NAV1: variants seen among roughly 807,000 people sequenced by gnomAD.
NAV1 encodes neuron navigator 1.
Under a neutral mutation model 175.2 loss-of-function variants are expected in NAV1, and 18 were observed. The ratio of observed to expected loss-of-function variants is 0.10; its 90% CI spans 0.07 to 0.15. NAV1 has a LOEUF of 0.15. Among genes scored for constraint, NAV1 ranks in the 10% least tolerant of loss-of-function variants. NAV1 has a pLI of 1.00. For synonymous variants in NAV1, 897 were observed against 978.7 expected (o/e 0.92, Z 1.56); for missense variants, 1,731 against 2,436.6 (o/e 0.71, Z 6.10).
At chr1:201,584,110 T>C (rs965545184) in intron 1 of NAV1, among the ~76,000 whole-genome samples, 1 of 152,252 alleles carries the variant, frequency 6.6e-6, no homozygotes, top group Non-Finnish European at 1.5e-5. Flanking sequence ...ATGTGCCAGA[T>C]CTTTCACATG....
intron 1 of NAV1, among the ~76,000 whole-genome samples, chr1:201,707,030 G>A (rs1671699227): frequency 6.6e-6 from 1 of 152,174 alleles, no homozygotes; most frequent in Non-Finnish European, 1.5e-5. Flanking sequence ...AGCTAAGATT[G>A]GCCCCAAGAG....
intron 1 of NAV1, among the ~76,000 whole-genome samples, chr1:201,703,767 G>T (rs1558081881): frequency 6.6e-6 from 1 of 152,176 alleles, no homozygotes; most frequent in Non-Finnish European, 1.5e-5. Flanking sequence ...CATCCGCGTG[G>T]GGCTGCCCTG....
At chr1:201,697,969 A>G (rs1166424475) in intron 1 of NAV1, among the ~76,000 whole-genome samples, 2 of 152,184 alleles carry the variant, frequency 1.3e-5, no homozygotes, top group African/African-American at 2.4e-5. Flanking sequence ...AGGCCCAGAC[A>G]TTGAATACCT....
At chr1:201,541,012 C>T (rs756620576) in intron 1 of NAV1, among the ~76,000 whole-genome samples, 14 of 152,192 alleles carry the variant, frequency 9.2e-5, no homozygotes, top group Admixed American at 6.5e-5. Context: ...ACACCATTTC[C>T]GGGTGAAAGA....
At chr1:201,593,578 G>A (rs769065146) in intron 2 of NAV1, among the ~76,000 whole-genome samples, 3 of 152,144 alleles carry the variant, frequency 2.0e-5, no homozygotes, top group Non-Finnish European at 4.4e-5. Context: ...CTCTTTTGGC[G>A]CATTCTCTTC....
Position 201,569,771 on chromosome 1 carries a change from G to A in NAV1, c.-143-18768G>A, listed in dbSNP as rs990045233. ...CATGAGGAAGCCCCTCGCAGTATCCGCTGGTCCAGTTCTCTCCCTTTGCTC... is the reference window on the plus strand; with the variant it reads ...CATGAGGAAGCCCCTCGCAGTATCCACTGGTCCAGTTCTCTCCCTTTGCTC... On this transcript the variant is annotated intron_variant, in intron 1 of 33. Coordinates refer to the NAV1 transcript ENST00000685211. Among the ~76,000 whole-genome samples the A allele has an allele frequency of 5.3e-5, 8 of 152,160 alleles. No homozygotes were observed. The East Asian group carries it at 9.6e-4, about 18-fold the overall frequency.
intron 3 of NAV1, among the ~76,000 whole-genome samples, chr1:201,752,213 T>TA (rs77963074): frequency 0.13 from 20,507 of 152,142 alleles, 1,852 homozygotes; most frequent in East Asian, 0.38. Context: ...AAGAGGTCTA[T>TA]AAAAATTACA....
chr1:201,640,485 T>C (rs1668720614), intron 2 of NAV1, among the ~76,000 whole-genome samples: 1 of 152,202 alleles, frequency 6.6e-6, no homozygotes, highest in Non-Finnish European at 1.5e-5. Flanking sequence ...GCTGTGAGGA[T>C]ACCTTGCCCA....
intron 1 of NAV1, among the ~76,000 whole-genome samples, chr1:201,684,961 CA>C (rs35153455): frequency 0.58 from 68,659 of 118,988 alleles, 18,644 homozygotes; most frequent in South Asian, 0.78. Flanking sequence ...GACTCTGTCT[CA>C]AAAAAAAAAA....
chr1:201,553,568 C>G (rs562560709), intron 1 of NAV1, among the ~76,000 whole-genome samples: 1 of 152,186 alleles, frequency 6.6e-6, no homozygotes, highest in Non-Finnish European at 1.5e-5. Context: ...ACACACAGAT[C>G]GATGTGTTTT....
At chr1:201,597,394 C>T (rs914740210) in intron 2 of NAV1, among the ~76,000 whole-genome samples, 1 of 152,234 alleles carries the variant, frequency 6.6e-6, no homozygotes, top group African/African-American at 2.4e-5. Flanking sequence ...CTCCTTCTTC[C>T]CCTCCGGCCT....
chr1:201,600,123 C>T (rs1205234644), intron 2 of NAV1, among the ~76,000 whole-genome samples: 2 of 152,200 alleles, frequency 1.3e-5, no homozygotes, highest in Non-Finnish European at 2.9e-5. Flanking sequence ...CCAGTCATCC[C>T]TGAAAGCCTT....
chr1:201,611,820 G>A (rs2102255250), intron 2 of NAV1, among the ~76,000 whole-genome samples: 1 of 152,280 alleles, frequency 6.6e-6, no homozygotes, highest in Non-Finnish European at 1.5e-5. Context: ...CTCACCCTGG[G>A]CTGGGTGGGA....
At chr1:201,668,718 G>T (rs1462542757) in intron 1 of NAV1, among the ~76,000 whole-genome samples, 1 of 152,148 alleles carries the variant, frequency 6.6e-6, no homozygotes, top group African/African-American at 2.4e-5. Flanking sequence ...AATTGACACT[G>T]GTTCCTAGTC....
At chr1:201,806,425 C>T (rs1030368198) in intron 17 of NAV1, among the ~76,000 whole-genome samples, 1 of 152,144 alleles carries the variant, frequency 6.6e-6, no homozygotes, top group African/African-American at 2.4e-5. Context: ...CCAAACATCT[C>T]GGAACAGTTC....
At chr1:201,766,932 C>T (rs2102654278) in intron 3 of NAV1, among the ~76,000 whole-genome samples, 1 of 152,092 alleles carries the variant, frequency 6.6e-6, no homozygotes, top group Admixed American at 6.5e-5. Flanking sequence ...AGCAATTCTC[C>T]TGCCTCAGCC....
At chr1:201,657,368 A>G (rs1021457308) in intron 1 of NAV1, among the ~76,000 whole-genome samples, 4 of 152,180 alleles carry the variant, frequency 2.6e-5, no homozygotes, top group African/African-American at 7.2e-5. Context: ...TCTACCCATG[A>G]GTCTGAATTT....
At chr1:201,601,410 G>C (rs957222533) in intron 2 of NAV1, among the ~76,000 whole-genome samples, 1 of 152,198 alleles carries the variant, frequency 6.6e-6, no homozygotes, top group Non-Finnish European at 1.5e-5. Context: ...TTGAGCCTGG[G>C]AGGTTGAGGC....
intron 3 of NAV1, chr1:201,739,528 T>A (rs952705388): frequency 6.5e-6 from 1 of 153,680 alleles, no homozygotes; most frequent in East Asian, 1.9e-4. Context: ...CCCAACTCCT[T>A]ACCCACCCGT....
Sources: allele counts gnomAD v4.1 joint callset (sites outside exome capture counted in the v4.1 genomes callset), GRCh38; gene constraint gnomAD v4.1.1; transcripts MANE v1.5; gene names NCBI Gene and HGNC (gene_info 2026-07-23, HGNC 2026-07-21).